Variants in CHLSN observed in about 807,000 individuals in gnomAD.
CHLSN encodes the protein cholesin.
chr7:1,069,039 G>A, the CHLSN span, among the ~76,000 whole-genome samples: 1 of 152,214 alleles, frequency 6.6e-6, no homozygotes, highest in Admixed American at 6.5e-5. Flanking sequence ...GTCATTAAAA[G>A]TCTCACGTTT....
chr7:1,070,652 C>T, the CHLSN span, among the ~76,000 whole-genome samples: 1 of 151,074 alleles, frequency 6.6e-6, no homozygotes, highest in Non-Finnish European at 1.5e-5. Context: ...CACACATGCA[C>T]ACACATGCAC....
the CHLSN span, among the ~76,000 whole-genome samples, chr7:1,116,259 G>A: frequency 7.7e-6 from 1 of 129,166 alleles, no homozygotes; most frequent in African/African-American, 3.1e-5. Flanking sequence ...ACAGCTCTAC[G>A]GACCGGCTTC....
At chr7:1,081,050 A>C in the CHLSN span, 1 of 152,310 alleles carries the variant, frequency 6.6e-6, no homozygotes, top group Admixed American at 6.5e-5. Flanking sequence ...CTCTTAGACT[A>C]TGCAGTGGTA....
At chr7:996,515 C>T in the CHLSN span, among the ~76,000 whole-genome samples, 1 of 152,244 alleles carries the variant, frequency 6.6e-6, no homozygotes, top group African/African-American at 2.4e-5. Flanking sequence ...CCCGGGGCAG[C>T]AGCACCTGGG....
chr7:980,996 G>A, the CHLSN span, among the ~76,000 whole-genome samples: 3 of 151,998 alleles, frequency 2.0e-5, no homozygotes, highest in Non-Finnish European at 2.9e-5. Flanking sequence ...CCTGGCCAAC[G>A]AGTTACTTTT....
At chr7:1,109,643 G>A in the CHLSN span, among the ~76,000 whole-genome samples, 4 of 152,132 alleles carry the variant, frequency 2.6e-5, no homozygotes, top group Non-Finnish European at 5.9e-5. Flanking sequence ...CGTGGGCGAC[G>A]GAGCCTTTCC....
At chr7:1,051,559 TA>T in the CHLSN span, among the ~76,000 whole-genome samples, 1 of 152,246 alleles carries the variant, frequency 6.6e-6, no homozygotes, top group Admixed American at 6.5e-5. Flanking sequence ...CTTGAAGCTG[TA>T]AAGACCTCTC....
chr7:1,084,910 T>C, the CHLSN span, among the ~76,000 whole-genome samples: 9 of 152,120 alleles, frequency 5.9e-5, no homozygotes, highest in Admixed American at 2.0e-4. Context: ...ATGGAGGGCA[T>C]GGGAGAGGAC....
the CHLSN span, among the ~76,000 whole-genome samples, chr7:1,059,971 G>A: frequency 6.4e-5 from 2 of 31,108 alleles, no homozygotes; most frequent in Admixed American, 4.0e-4. Flanking sequence ...AGGCGGGCCC[G>A]TAGTGGGGCG....
chr7:1,002,926 GGT>G, the CHLSN span, among the ~76,000 whole-genome samples: 14 of 109,574 alleles, frequency 1.3e-4, no homozygotes, highest in African/African-American at 4.7e-4. Flanking sequence ...GAGTCCTGTG[GGT>G]AGGGAGTCCT....
the CHLSN span, among the ~76,000 whole-genome samples, chr7:1,076,873 C>T: frequency 5.3e-5 from 8 of 152,260 alleles, no homozygotes; most frequent in Non-Finnish European, 1.0e-4. Context: ...CACGCCCAAC[C>T]CCTGGGTGAC....
chr7:1,103,988 C>T, the CHLSN span, among the ~76,000 whole-genome samples: 1 of 152,242 alleles, frequency 6.6e-6, no homozygotes, highest in African/African-American at 2.4e-5. Flanking sequence ...CACCAAACTC[C>T]AAGCTCTGTG....
chr7:1,071,229 C>T, the CHLSN span, among the ~76,000 whole-genome samples: 19 of 152,256 alleles, frequency 1.2e-4, no homozygotes, highest in Non-Finnish European at 2.8e-4. Context: ...CGCACGTCAG[C>T]AGCAGATCAG....
chr7:985,923 G>A, the CHLSN span, among the ~76,000 whole-genome samples: 1 of 152,092 alleles, frequency 6.6e-6, no homozygotes, highest in Non-Finnish European at 1.5e-5. Flanking sequence ...GAGCAGCGGT[G>A]GGTTCACAAG....
At chr7:997,653 A>G in the CHLSN span, 1 of 1,608,984 alleles carries the variant, frequency 6.2e-7, no homozygotes, top group Non-Finnish European at 8.5e-7. Flanking sequence ...CACCTGTCGG[A>G]TGCGCTGGGC....
At chr7:1,114,595 C>T in the CHLSN span, among the ~76,000 whole-genome samples, 7 of 152,354 alleles carry the variant, frequency 4.6e-5, no homozygotes, top group East Asian at 5.8e-4. Flanking sequence ...CCGTGATGGG[C>T]GCGGGGCCCA....
the CHLSN span, among the ~76,000 whole-genome samples, chr7:1,008,781 CACGCACAT>C: frequency 6.6e-6 from 1 of 151,916 alleles, no homozygotes; most frequent in Non-Finnish European, 1.5e-5. Flanking sequence ...CACACGCACA[CACGCACAT>C]GTACACACGT....
the CHLSN span, chr7:1,059,304 G>A: frequency 6.3e-6 from 1 of 159,618 alleles, no homozygotes; most frequent in African/African-American, 2.4e-5. Flanking sequence ...AGGGCCCCCA[G>A]GGGACAGAGG....
chr7:1,007,012 G>A, the CHLSN span, among the ~76,000 whole-genome samples: 5 of 152,314 alleles, frequency 3.3e-5, no homozygotes, highest in South Asian at 8.3e-4. Context: ...CCTGCGACCC[G>A]GGTTCTAGGG....
Sources: allele counts gnomAD v4.1 joint callset (sites outside exome capture counted in the v4.1 genomes callset), GRCh38; gene constraint gnomAD v4.1.1; transcripts MANE v1.5; gene names NCBI Gene and HGNC (gene_info 2026-07-23, HGNC 2026-07-21).